The following ANKS1B variants were observed in gnomAD, a reference collection of about 807,000 sequenced individuals.
ANKS1B encodes ankyrin repeat and sterile alpha motif domain containing 1B.
A neutral mutation model predicts 148.3 loss-of-function variants in ANKS1B; 36 were observed. The observed-to-expected ratio is 0.24, with a 90% CI of 0.19 to 0.32. ANKS1B has a LOEUF of 0.32. Among genes scored for constraint, ANKS1B ranks in the 10% least tolerant of loss-of-function variants. The pLI, the probability that ANKS1B is intolerant of heterozygous loss-of-function variation, is 1.00. For missense variants in ANKS1B, 1,157 were observed against 1,542.6 expected, an observed-to-expected ratio of 0.75 and a Z score of 4.19; for synonymous variants, 542 against 560.8, an observed-to-expected ratio of 0.97 and a Z score of 0.47.
intron 12 of ANKS1B, among the ~76,000 whole-genome samples, chr12:99,272,946 T>C (rs1368910366): frequency 6.6e-6 from 1 of 152,232 alleles, no homozygotes; most frequent in African/African-American, 2.4e-5. Context: ...CTCTGGATCA[T>C]GCTACATTTG....
rs1421412150 is a variant in ANKS1B at position 99,658,547 on chromosome 12, CTTGAG to C, written c.1129-3342_1129-3338del. ...TTTGCATTTGGTATTTCACATTCAC[CTTGAG>C]TTGATAGATGCTATAGTGGCAAAGA... is the stretch of plus-strand genomic sequence containing the variant. On this transcript the variant is annotated intron_variant, in intron 8 of 26. Transcript: ENST00000683438. Among the ~76,000 whole-genome samples the C allele has an allele frequency of 2.0e-5, 3 of 152,054 alleles. No individual in the cohort carries two copies. In the South Asian group the frequency reaches 6.2e-4, roughly 32 times the overall value.
chr12:99,804,408 C>T (rs1326746004), intron 4 of ANKS1B, among the ~76,000 whole-genome samples: 3 of 152,018 alleles, frequency 2.0e-5, no homozygotes, highest in East Asian at 3.9e-4. Context: ...TTTTGAGAGG[C>T]TGCCAAAGTT....
chr12:99,695,936 T>C (rs2053830869), intron 8 of ANKS1B, among the ~76,000 whole-genome samples: 1 of 152,052 alleles, frequency 6.6e-6, no homozygotes, highest in South Asian at 2.1e-4. Context: ...TGGGGACTAC[T>C]AGAGCGCGGA....
At chr12:99,959,263 G>C (rs1261031983) in intron 1 of ANKS1B, among the ~76,000 whole-genome samples, 2 of 120,032 alleles carry the variant, frequency 1.7e-5, no homozygotes, top group African/African-American at 6.4e-5. Flanking sequence ...ATTTTCAGTA[G>C]AGACGGAGTT....
intron 11 of ANKS1B, among the ~76,000 whole-genome samples, chr12:99,439,816 T>C (rs1053161308): frequency 6.6e-6 from 1 of 151,722 alleles, no homozygotes; most frequent in African/African-American, 2.4e-5. Flanking sequence ...AAACATATGT[T>C]TATAAAAAAC....
intron 12 of ANKS1B, among the ~76,000 whole-genome samples, chr12:99,380,160 T>C (rs1193938186): frequency 6.6e-6 from 1 of 152,202 alleles, no homozygotes; most frequent in East Asian, 1.9e-4. Context: ...CATGGGAGGA[T>C]TACTTAATGT....
At chr12:99,081,334 G>A (rs555824808) in intron 16 of ANKS1B, among the ~76,000 whole-genome samples, 1 of 152,028 alleles carries the variant, frequency 6.6e-6, no homozygotes, top group Non-Finnish European at 1.5e-5. Context: ...AGGATCCCAG[G>A]TAGCAATCAT....
intron 2 of ANKS1B, among the ~76,000 whole-genome samples, chr12:99,815,142 T>G (rs1565782184): frequency 6.6e-6 from 1 of 151,808 alleles, no homozygotes; most frequent in Non-Finnish European, 1.5e-5. Context: ...TTCTATTTCC[T>G]TTTACTCTTG....
intron 1 of ANKS1B, among the ~76,000 whole-genome samples, chr12:99,944,061 C>A (rs1198232096): frequency 6.6e-6 from 1 of 152,050 alleles, no homozygotes; most frequent in Admixed American, 6.6e-5. Flanking sequence ...TTCCCCACTC[C>A]TCCACCCAAG....
intron 12 of ANKS1B, among the ~76,000 whole-genome samples, chr12:99,315,226 G>A (rs1472831060): frequency 6.8e-6 from 1 of 147,338 alleles, no homozygotes; most frequent in Non-Finnish European, 1.5e-5. Context: ...GTGACAGTGT[G>A]AGACTTCATC....
intron 4 of ANKS1B, among the ~76,000 whole-genome samples, chr12:99,792,835 G>A (rs2065826118): frequency 6.6e-6 from 1 of 152,002 alleles, no homozygotes. Context: ...AGAACTGGAA[G>A]TCCTAGCTAG....
At chr12:98,852,700 G>A (rs929296347) in intron 17 of ANKS1B, among the ~76,000 whole-genome samples, 2 of 152,166 alleles carry the variant, frequency 1.3e-5, no homozygotes, top group African/African-American at 4.8e-5. Context: ...CGAGGTGGCA[G>A]AGCCCACATT....
intron 22 of ANKS1B, chr12:98,794,391 T>TA (rs1566586474): frequency 3.4e-4 from 38 of 113,244 alleles, no homozygotes; most frequent in Non-Finnish European, 4.0e-4. Flanking sequence ...AAACTCTGTC[T>TA]CAAAAAAAAA....
chr12:99,718,377 C>T (rs182120558), intron 8 of ANKS1B, among the ~76,000 whole-genome samples: 291 of 152,172 alleles, frequency 1.9e-3, no homozygotes, highest in African/African-American at 6.9e-3. Flanking sequence ...TTGTATCCCC[C>T]CACCTTAACC....
At chr12:98,974,884 C>G (rs929371130) in intron 17 of ANKS1B, among the ~76,000 whole-genome samples, 3 of 150,962 alleles carry the variant, frequency 2.0e-5, no homozygotes, top group Non-Finnish European at 4.4e-5. Context: ...CTATCTCCAT[C>G]CCTCCCTTCC....
intron 17 of ANKS1B, among the ~76,000 whole-genome samples, chr12:98,947,830 T>C (rs1457150741): frequency 6.6e-6 from 1 of 152,216 alleles, no homozygotes; most frequent in Non-Finnish European, 1.5e-5. Flanking sequence ...GTGATGACGA[T>C]ATCCCTCCTT....
chr12:99,947,487 G>T (rs891938021), intron 1 of ANKS1B, among the ~76,000 whole-genome samples: 1 of 152,048 alleles, frequency 6.6e-6, no homozygotes, highest in East Asian at 1.9e-4. Flanking sequence ...ACAATGAAAA[G>T]AATAAAAAAT....
chr12:99,163,482 T>A (rs980524667), intron 14 of ANKS1B, among the ~76,000 whole-genome samples: 1 of 147,058 alleles, frequency 6.8e-6, no homozygotes, highest in African/African-American at 2.6e-5. Flanking sequence ...TGTGTGTGTG[T>A]GTGTGTGTGT....
intron 14 of ANKS1B, among the ~76,000 whole-genome samples, chr12:99,198,446 T>C (rs1377030379): frequency 6.6e-6 from 1 of 152,204 alleles, no homozygotes; most frequent in Non-Finnish European, 1.5e-5. Context: ...ATTTAACTTC[T>C]ACTGCCACAA....
Sources: allele counts gnomAD v4.1 joint callset (sites outside exome capture counted in the v4.1 genomes callset), GRCh38; gene constraint gnomAD v4.1.1; transcripts MANE v1.5; gene names NCBI Gene and HGNC (gene_info 2026-07-23, HGNC 2026-07-21).